The following FOXO3 variants were observed in gnomAD, a reference collection of about 807,000 sequenced individuals.
FOXO3 encodes forkhead box protein O3.
Under a neutral mutation model 41.9 loss-of-function variants are expected in FOXO3, and 4 were observed. That is an observed-to-expected ratio of 0.10 (90% CI 0.05 to 0.22). FOXO3 has a LOEUF of 0.22. FOXO3 is among the 10% of genes least tolerant of loss of function. The probability of loss-of-function intolerance (pLI) is 1.00; values close to 1 mark genes in which losing one functional copy is unlikely to be tolerated. For synonymous variants in FOXO3, 318 were observed against 389.3 expected (o/e 0.82, Z 2.16); for missense variants, 534 against 906.8 (o/e 0.59, Z 5.28).
intron 1 of FOXO3, among the ~76,000 whole-genome samples, chr6:108,625,130 G>A (rs1323003171): frequency 6.6e-6 from 1 of 152,174 alleles, no homozygotes; most frequent in Non-Finnish European, 1.5e-5. Context: ...CATTGAATGA[G>A]TACTGTGTGC....
At chr6:108,652,913 C>T (rs995938758) in intron 1 of FOXO3, among the ~76,000 whole-genome samples, 5 of 152,128 alleles carry the variant, frequency 3.3e-5, no homozygotes, top group African/African-American at 4.8e-5. Context: ...GGTGGAGAGC[C>T]GGCTCTTCAC....
intron 1 of FOXO3, among the ~76,000 whole-genome samples, chr6:108,663,057 T>C (rs1778918037): frequency 6.6e-6 from 1 of 152,166 alleles, no homozygotes; most frequent in Non-Finnish European, 1.5e-5. Flanking sequence ...TTTTTTAACC[T>C]TTGAAATTGA....
chr6:108,561,171 G>A lies in FOXO3; in HGVS notation c.-38G>A. On this transcript the variant is annotated 5_prime_UTR_variant, in exon 1 of 3. Transcript: ENST00000406360. The stretch of plus-strand genomic sequence containing the variant: ...CACCCCGCCCCGGCGCGAGAGGAGA[G>A]CGCGAGAGCCCCAGCCGCGGGCGGG... 5 of 1,517,982 alleles carry A rather than the reference G, an allele frequency of 3.3e-6. No individual in the cohort carries two copies. The highest frequency in any genetic ancestry group is 3.5e-6 in the Non-Finnish European group (4 of 1,136,192). The allele number at this position is 1,517,982 out of a possible 1,614,324, so 94.0% of individuals were successfully genotyped here. A position where few individuals can be genotyped will look rare whatever the true frequency, so the allele number is the denominator to read the frequency against.
intron 1 of FOXO3, among the ~76,000 whole-genome samples, chr6:108,634,873 T>C (rs1057453707): frequency 2.6e-5 from 4 of 152,250 alleles, no homozygotes; most frequent in Non-Finnish European, 5.9e-5. Context: ...ATACCTTTTA[T>C]ATAAAGTTTA....
chr6:108,564,101 A>T (rs890524797), intron 1 of FOXO3, among the ~76,000 whole-genome samples: 2 of 152,192 alleles, frequency 1.3e-5, no homozygotes, highest in East Asian at 3.9e-4. Context: ...TTTTTTACCA[A>T]TTCCATTTCT....
chr6:108,646,456 A>G (rs2128381050), intron 1 of FOXO3, among the ~76,000 whole-genome samples: 1 of 152,354 alleles, frequency 6.6e-6, no homozygotes, highest in East Asian at 1.9e-4. Flanking sequence ...TAACACTTTC[A>G]CCAACCAATC....
At chr6:108,589,913 T>G (rs747190019) in intron 1 of FOXO3, among the ~76,000 whole-genome samples, 45 of 152,218 alleles carry the variant, frequency 3.0e-4, no homozygotes, top group Admixed American at 6.5e-5. Flanking sequence ...AAAAGCATGC[T>G]GCCAGGATGA....
chr6:108,638,365 A>G (rs1044925570), intron 1 of FOXO3, among the ~76,000 whole-genome samples: 3 of 152,242 alleles, frequency 2.0e-5, no homozygotes, highest in Non-Finnish European at 4.4e-5. Flanking sequence ...GCTACTAAAT[A>G]CAAGGTTTGA....
In FOXO3 at chr6:108,612,623, T is replaced by A. The variant is rs188715753; in HGVS notation, c.621+50794T>A. ...TGAACCCGGGAGGCAGAGGTTGCAG[T>A]GAGCCAAGATTGTGCCATTGCACTC... On this transcript the variant is annotated intron_variant, in intron 1 of 2. Coordinates refer to ENST00000406360, the MANE Select transcript of FOXO3 (RefSeq NM_001455.4). Among the ~76,000 whole-genome samples the A allele has an allele frequency of 6.6e-3, 1,008 of 151,962 alleles. 14 individuals are homozygous for A. The highest frequency in any genetic ancestry group is 0.023 in the African/African-American group (970 of 41,392).
intron 2 of FOXO3, among the ~76,000 whole-genome samples, chr6:108,678,459 G>A (rs774013216): frequency 1.0e-4 from 15 of 149,494 alleles, no homozygotes; most frequent in African/African-American, 2.2e-4. Flanking sequence ...GTCATGTCAC[G>A]TCCTTTTGCT....
chr6:108,586,043 TC>T (rs942299124), intron 1 of FOXO3, among the ~76,000 whole-genome samples: 1 of 152,222 alleles, frequency 6.6e-6, no homozygotes, highest in African/African-American at 2.4e-5. Context: ...GACCTGCCAG[TC>T]CTGGAAGGCC....
At chr6:108,616,076 C>T (rs1777498321) in intron 1 of FOXO3, among the ~76,000 whole-genome samples, 1 of 150,788 alleles carries the variant, frequency 6.6e-6, no homozygotes, top group South Asian at 2.1e-4. Flanking sequence ...CAACCTCTGT[C>T]TCCCCAGTTC....
intron 1 of FOXO3, among the ~76,000 whole-genome samples, chr6:108,640,754 A>G (rs1042048028): frequency 6.6e-5 from 10 of 152,178 alleles, no homozygotes; most frequent in African/African-American, 2.4e-4. Flanking sequence ...CTGACTTTGT[A>G]CTGCTTTGAT....
intron 1 of FOXO3, among the ~76,000 whole-genome samples, chr6:108,589,313 C>T (rs924080141): frequency 6.6e-6 from 1 of 152,200 alleles, no homozygotes; most frequent in Non-Finnish European, 1.5e-5. Context: ...CCCCCTGCCC[C>T]GGAGCTGGGA....
intron 1 of FOXO3, among the ~76,000 whole-genome samples, chr6:108,576,902 CAT>C (rs1776277893): frequency 6.6e-6 from 1 of 152,072 alleles, no homozygotes; most frequent in South Asian, 2.1e-4. Flanking sequence ...CTTGTTACCT[CAT>C]GTGTCTGTGC....
intron 1 of FOXO3, among the ~76,000 whole-genome samples, chr6:108,572,090 ATTTC>A (rs1776119469): frequency 6.6e-6 from 1 of 151,846 alleles, no homozygotes; most frequent in African/African-American, 2.4e-5. Context: ...TCCTTACTGA[ATTTC>A]TTTTTCTCTG....
intron 2 of FOXO3, among the ~76,000 whole-genome samples, chr6:108,666,236 T>C (rs1451552356): frequency 1.3e-5 from 2 of 152,140 alleles, no homozygotes; most frequent in Admixed American, 6.5e-5. Context: ...ATATGTACCA[T>C]GCAACTAGGT....
At chr6:108,576,154 T>C (rs1776255961) in intron 1 of FOXO3, among the ~76,000 whole-genome samples, 1 of 152,230 alleles carries the variant, frequency 6.6e-6, no homozygotes, top group Non-Finnish European at 1.5e-5. Context: ...CCAATAAAGA[T>C]AAGTTTACAG....
At chr6:108,589,366 C>CA (rs1459393372) in intron 1 of FOXO3, among the ~76,000 whole-genome samples, 1 of 152,110 alleles carries the variant, frequency 6.6e-6, no homozygotes, top group Non-Finnish European at 1.5e-5. Context: ...GCTACACAGA[C>CA]ACAAGCACAA....
Sources: gnomAD v4.1 joint callset for allele counts (sites outside exome capture counted in the v4.1 genomes callset) on GRCh38, gnomAD v4.1.1 for gene constraint, MANE v1.5 for transcripts, NCBI Gene and HGNC (gene_info 2026-07-23, HGNC 2026-07-21) for gene names.